The following GPR55 variants were observed in gnomAD, a reference collection of about 807,000 sequenced individuals.
GPR55 encodes G protein-coupled receptor 55, also known as G-protein coupled receptor 55.
In GPR55, 6 loss-of-function variants were observed where a neutral mutation model predicts 7.9. That is an observed-to-expected ratio of 0.76 (90% CI 0.41 to 1.49). The LOEUF is 1.49. GPR55 is among the 40% of genes most tolerant of loss of function. The probability of loss-of-function intolerance (pLI) is 0.01; values close to 1 mark genes in which losing one functional copy is unlikely to be tolerated. For synonymous variants in GPR55, 183 were observed against 166.8 expected (o/e 1.10, Z -0.75); for missense variants, 376 against 406.0 (o/e 0.93, Z 0.63).
chr2:230,913,320 G>C (rs1257047037), intron 1 of GPR55, among the ~76,000 whole-genome samples: 1 of 152,102 alleles, frequency 6.6e-6, no homozygotes, highest in African/African-American at 2.4e-5. Flanking sequence ...AAAAATTGGG[G>C]TGTGTTTTAA....
intron 1 of GPR55, among the ~76,000 whole-genome samples, chr2:230,915,412 T>C (rs1462425767): frequency 3.9e-5 from 6 of 152,086 alleles, no homozygotes; most frequent in Admixed American, 6.6e-5. Context: ...TGCCTTCGCC[T>C]CCTAGGGGAC....
chr2:230,925,432 C>T (rs1690925958), upstream of GPR55, among the ~76,000 whole-genome samples: 1 of 152,018 alleles, frequency 6.6e-6, no homozygotes, highest in African/African-American at 2.4e-5. Context: ...GGAGGGTCTA[C>T]ACTCTCCCGC....
intron 1 of GPR55, among the ~76,000 whole-genome samples, chr2:230,943,666 GTT>G (rs1355217935): frequency 1.3e-5 from 2 of 152,200 alleles, no homozygotes; most frequent in Non-Finnish European, 2.9e-5. Flanking sequence ...GGTGGAGGGG[GTT>G]GGATCATGGG....
chr2:230,947,230 T>G (rs1691331875), intron 1 of GPR55, among the ~76,000 whole-genome samples: 1 of 152,176 alleles, frequency 6.6e-6, no homozygotes, highest in Non-Finnish European at 1.5e-5. Context: ...CACCAGAGTT[T>G]TGTTGGTTAT....
chr2:230,910,698 G>C lies in GPR55; in HGVS notation c.265C>G (p.Pro89Ala). Residue 89 changes from proline to alanine, a missense_variant, in exon 2 of 2, where the codon CCC becomes GCC. Pro to Ala is a conservative substitution (Grantham distance 27). Transcript: ENST00000650999. This position sits in a 1 kb window ranked among gnomAD's most constrained non-coding sequence, Gnocchi z 5.4. The part of the protein sequence containing the change: ...FKMVLSQVQS[P>A]FPSLCTLVEC... The stretch of plus-strand genomic sequence containing the variant: ...ACCAGGGTGCACAGGGACGGGAAGG[G>C]GGACTGTACCTGGGACAGGACCATC... The C allele has an allele frequency of 6.2e-7, 1 of 1,613,540 alleles. No individual in the cohort carries two copies. The highest frequency in any genetic ancestry group is 8.5e-7 in the Non-Finnish European group (1 of 1,179,496).
Position 230,910,608 on chromosome 2 carries a change from G to A in GPR55, c.355C>T (p.Arg119Trp), listed in dbSNP as rs769462825. ...AGCGGGTAACGGATGGCCAAGAACC[G>A]GTCCATGCTGATGAAGCAGATGGTG... Reference protein sequence around the residue: ...VFTICFISMDRFLAIRYPLLV... With the variant: ...VFTICFISMDWFLAIRYPLLV... The change falls in exon 2 of 2, where the codon CGG (arginine) becomes TGG (tryptophan). Residue 119 changes from arginine to tryptophan, a missense_variant. Arg to Trp is a moderately radical substitution (Grantham distance 101). Transcript: ENST00000650999. This position sits in a 1 kb window ranked among gnomAD's most constrained non-coding sequence, Gnocchi z 5.4. The A allele has an allele frequency of 9.3e-6, 15 of 1,613,946 alleles. No individual in the cohort carries two copies. The highest frequency in any genetic ancestry group is 1.6e-4 in the Middle Eastern group (1 of 6,062).
chr2:230,957,772 G>C (rs1389132305), intron 1 of GPR55: 1 of 553,594 alleles, frequency 1.8e-6, no homozygotes, highest in African/African-American at 1.9e-5. Context: ...AAAATCATGT[G>C]ATGTTGGAGT....
chr2:230,909,125 G>A lies in GPR55; in HGVS notation c.*878C>T, dbSNP rs890409473. ...CCCAGTCTGTTTAAGATAGAAAGCA[G>A]GTCGGGGTCTCCCCGCTCCCAGGCC... On this transcript the variant is annotated 3_prime_UTR_variant, in exon 2 of 2. Transcript: ENST00000650999. 6.6e-6 allele frequency: 1 copy of A among 152,386 alleles called. No homozygotes were observed. The highest frequency in any genetic ancestry group is 1.5e-5 in the Non-Finnish European group (1 of 68,184). The allele number at this position is 152,386 out of a possible 1,614,324, so 9.4% of individuals were successfully genotyped here.
rs974915528 is a variant in GPR55 at position 230,915,581 on chromosome 2, G to A, written c.-134-4485C>T. On this transcript the variant is annotated intron_variant, in intron 1 of 1. Coordinates refer to ENST00000650999, the MANE Select transcript of GPR55 (RefSeq NM_005683.4). ...CTGAGAGGTGGGGCTGAATTGAACC[G>A]TGGAGTAAATGAGACAATACAGGAG... Among the ~76,000 whole-genome samples, 5 of 152,288 alleles carry A rather than the reference G, an allele frequency of 3.3e-5. No individual in the cohort carries two copies. In the East Asian group the frequency reaches 5.8e-4, roughly 18 times the overall value.
chr2:230,953,645 T>C (rs1559181007), intron 1 of GPR55, among the ~76,000 whole-genome samples: 1 of 152,216 alleles, frequency 6.6e-6, no homozygotes, highest in East Asian at 1.9e-4. Flanking sequence ...TATATGGCAA[T>C]GTGTTACAGC....
intron 1 of GPR55, among the ~76,000 whole-genome samples, chr2:230,922,937 C>T (rs1232345580): frequency 6.6e-6 from 1 of 152,192 alleles, no homozygotes; most frequent in Non-Finnish European, 1.5e-5. Context: ...TTTCTGGGAT[C>T]GAGCAATCCT....
chr2:230,949,149 C>CTTTT (rs1413713833), intron 1 of GPR55, among the ~76,000 whole-genome samples: 1 of 128,272 alleles, frequency 7.8e-6, no homozygotes, highest in African/African-American at 3.0e-5. Context: ...TTTTATGGCT[C>CTTTT]TTTTTTTGTT....
intron 1 of GPR55, among the ~76,000 whole-genome samples, chr2:230,937,122 C>T (rs1012778933): frequency 6.6e-6 from 1 of 152,056 alleles, no homozygotes; most frequent in Non-Finnish European, 1.5e-5. Context: ...GTATTCTAGG[C>T]CAGGCACAGT....
rs1690551978 is a variant in GPR55, at chr2:230,910,165, G to A, written c.798C>T (p.Ile266=). 2 of 1,614,058 alleles carry A rather than the reference G, an allele frequency of 1.2e-6. No homozygotes were observed. The highest frequency in any genetic ancestry group is 1.7e-6 in the Non-Finnish European group (2 of 1,179,878). ...ACATGGACAATTGCAAGAAGAAGCT[G>A]ATGCTCTGCTTGGCTCTGCACTCTA... The part of the protein sequence containing the change: ...FIVECRAKQS[I]SFFLQLSMCF... The change falls in exon 2 of 2, where the codon ATC becomes ATT. Residue 266 remains isoleucine (I), a synonymous_variant. Transcript: ENST00000650999. This position sits in a 1 kb window ranked among gnomAD's most constrained non-coding sequence, Gnocchi z 5.4.
intron 1 of GPR55, among the ~76,000 whole-genome samples, chr2:230,936,042 G>A (rs528638945): frequency 2.0e-3 from 308 of 152,298 alleles, no homozygotes; most frequent in Admixed American, 7.8e-3. Flanking sequence ...AATAAAGAGT[G>A]AACTGTGGGG....
At chr2:230,949,310 C>A (rs1307750875) in intron 1 of GPR55, among the ~76,000 whole-genome samples, 1 of 152,138 alleles carries the variant, frequency 6.6e-6, no homozygotes, top group African/African-American at 2.4e-5. Context: ...ATTACAGGCA[C>A]CTGCCACCAC....
chr2:230,949,656 T>TA (rs1276715083), intron 1 of GPR55, among the ~76,000 whole-genome samples: 2 of 151,698 alleles, frequency 1.3e-5, no homozygotes, highest in Non-Finnish European at 2.9e-5. Context: ...GAAATGTTGT[T>TA]AGTATTTCCT....
rs72539509 is a variant in GPR55 at position 230,908,055 on chromosome 2, TG to T, written c.*1947del. 2.6e-5 allele frequency: 1 copy of T among 38,580 alleles called. No individual in the cohort carries two copies. The allele number at this position is 38,580 out of a possible 1,614,324, so 2.4% of individuals were successfully genotyped here. A position where few individuals can be genotyped will look rare whatever the true frequency, so the allele number is the denominator to read the frequency against. On this transcript the variant is annotated 3_prime_UTR_variant, in exon 2 of 2. Transcript: ENST00000650999. ...TCTGGCTCCCTCAGAGTATCACGGGTGGGTCTCTGTCTAGGGTGGCCATGGG... is the reference window on the plus strand; with the variant it reads ...TCTGGCTCCCTCAGAGTATCACGGGTGGTCTCTGTCTAGGGTGGCCATGGG...
Position 230,910,157 on chromosome 2 carries a change from A to C in GPR55, c.806T>G (p.Phe269Cys). 1 of 1,614,094 alleles carries C rather than the reference A, an allele frequency of 6.2e-7. No individual in the cohort carries two copies. Among genetic ancestry groups the C allele is most frequent in the Non-Finnish European group, 8.5e-7 (1 of 1,179,916 alleles). The part of the protein sequence containing the change: ...ECRAKQSISF[F>C]LQLSMCFSNV... ...GGAGAAACACATGGACAATTGCAAGAAGAAGCTGATGCTCTGCTTGGCTCT... is the reference window on the plus strand; with the variant it reads ...GGAGAAACACATGGACAATTGCAAGCAGAAGCTGATGCTCTGCTTGGCTCT... The change falls in exon 2 of 2, where the codon TTC (phenylalanine) becomes TGC (cysteine). Residue 269 changes from phenylalanine to cysteine, a missense_variant. Physicochemically the swap from Phe to Cys is radical, Grantham distance 205. Coordinates refer to ENST00000650999, the MANE Select transcript of GPR55 (RefSeq NM_005683.4). This position sits in a 1 kb window ranked among gnomAD's most constrained non-coding sequence, Gnocchi z 5.4.
Sources: allele counts gnomAD v4.1 joint callset (sites outside exome capture counted in the v4.1 genomes callset), GRCh38; gene constraint gnomAD v4.1.1; non-coding constraint Gnocchi (gnomAD v3.1); transcripts MANE v1.5; gene names NCBI Gene and HGNC (gene_info 2026-07-23, HGNC 2026-07-21).